Variants in MTA3 observed in about 807,000 individuals in gnomAD.
MTA3 encodes the protein metastasis-associated protein MTA3.
In MTA3, 34 loss-of-function variants were observed where a neutral mutation model predicts 83.5. The ratio of observed to expected loss-of-function variants is 0.41; its 90% CI spans 0.31 to 0.54. The LOEUF (loss-of-function observed/expected upper bound fraction) is 0.54, where lower values mean the gene tolerates loss of function less well. Among genes scored for constraint, MTA3 ranks in the 20% least tolerant of loss-of-function variants. The pLI is 0.33. For synonymous variants in MTA3, 303 were observed against 252.7 expected, an observed-to-expected ratio of 1.20 and a Z score of -1.89; for missense variants, 761 against 726.4, an observed-to-expected ratio of 1.05 and a Z score of -0.55.
chr2:42,643,302 G>A (rs1026569545), intron 5 of MTA3, among the ~76,000 whole-genome samples: 1 of 152,128 alleles, frequency 6.6e-6, no homozygotes, highest in Non-Finnish European at 1.5e-5. Flanking sequence ...ACAGAGAACT[G>A]GGCAGCCGAT....
intron 6 of MTA3, among the ~76,000 whole-genome samples, chr2:42,645,175 CAAAAAA>C (rs1224226672): frequency 7.5e-5 from 3 of 39,864 alleles, no homozygotes; most frequent in Non-Finnish European, 1.1e-4. Flanking sequence ...GACTCTGTCT[CAAAAAA>C]AAAAAAAAAA....
At chr2:42,556,975 G>A (rs1004102670) in intron 2 of MTA3, among the ~76,000 whole-genome samples, 3 of 152,152 alleles carry the variant, frequency 2.0e-5, no homozygotes, top group African/African-American at 4.8e-5. Context: ...CCTACGAAAC[G>A]CTGGAAACTT....
In MTA3 at chr2:42,754,353, T is replaced by C. The variant is rs1371949882; in HGVS notation, c.*954T>C. ...AGAGAACTGTGTTTGTGGGTATGAGTCTGTGTGGCCAACCCCATGACCCCC... is the reference window on the plus strand; with the variant it reads ...AGAGAACTGTGTTTGTGGGTATGAGCCTGTGTGGCCAACCCCATGACCCCC... On this transcript the variant is annotated 3_prime_UTR_variant, in exon 17 of 17. Coordinates refer to ENST00000405094, the MANE Select transcript of MTA3 (RefSeq NM_001330442.2). 1 of 985,488 alleles carries C rather than the reference T, an allele frequency of 1.0e-6. No individual in the cohort carries two copies. Among genetic ancestry groups the C allele is most frequent in the Non-Finnish European group, 1.2e-6 (1 of 829,998 alleles). 61.0% of individuals were successfully genotyped at this position (985,488 alleles called of 1,614,324 possible). A position where few individuals can be genotyped will look rare whatever the true frequency, so the allele number is the denominator to read the frequency against.
chr2:42,584,908 C>A (rs1238627355), intron 3 of MTA3, among the ~76,000 whole-genome samples: 2 of 151,528 alleles, frequency 1.3e-5, no homozygotes, highest in Admixed American at 6.6e-5. Context: ...ATTAAGAGAC[C>A]TAGAAAGTAA....
chr2:42,501,665 C>T (rs1052673342), intron 2 of MTA3, among the ~76,000 whole-genome samples: 2 of 152,112 alleles, frequency 1.3e-5, no homozygotes, highest in Non-Finnish European at 2.9e-5. Context: ...CAAGGAGAAT[C>T]GGACAGCCCA....
intron 4 of MTA3, among the ~76,000 whole-genome samples, chr2:42,618,800 C>T (rs528511602): frequency 3.3e-5 from 5 of 151,902 alleles, no homozygotes; most frequent in Non-Finnish European, 5.9e-5. Flanking sequence ...TGGTAGAGTT[C>T]GGGTCTCATA....
intron 16 of MTA3, among the ~76,000 whole-genome samples, chr2:42,737,362 G>T (rs1668686845): frequency 6.6e-6 from 1 of 152,140 alleles, no homozygotes; most frequent in Non-Finnish European, 1.5e-5. Flanking sequence ...CCTTCTGTGG[G>T]CACCGGCTGA....
At chr2:42,697,956 C>A in intron 11 of MTA3, 122 bp downstream of exon 11, 2 of 631,840 alleles carry the variant, frequency 3.2e-6, no homozygotes, top group Non-Finnish European at 2.7e-6. Flanking sequence ...TTCTACAAAG[C>A]ATGAGACTTA....
intron 6 of MTA3, among the ~76,000 whole-genome samples, chr2:42,648,986 G>T (rs1688455964): frequency 1.3e-5 from 2 of 152,278 alleles, no homozygotes; most frequent in East Asian, 1.9e-4. Flanking sequence ...GAATGATAGT[G>T]TATGTAATAC....
intron 4 of MTA3, among the ~76,000 whole-genome samples, chr2:42,615,655 ATTTTAC>A (rs1553363011): frequency 7.3e-6 from 1 of 136,592 alleles, no homozygotes; most frequent in Non-Finnish European, 1.5e-5. Context: ...CGCCTGGCCA[ATTTTAC>A]TTTTATTCTT....
intron 2 of MTA3, among the ~76,000 whole-genome samples, chr2:42,571,450 A>G (rs545647625): frequency 2.6e-5 from 4 of 151,970 alleles, no homozygotes; most frequent in African/African-American, 9.7e-5. Flanking sequence ...CTGAATTCCG[A>G]ATATTCTTTT....
intron 2 of MTA3, among the ~76,000 whole-genome samples, chr2:42,534,548 G>A (rs1199820496): frequency 6.6e-6 from 1 of 152,078 alleles, no homozygotes; most frequent in African/African-American, 2.4e-5. Context: ...AGTGAGCCAA[G>A]ATCGAGCCAC....
intron 2 of MTA3, among the ~76,000 whole-genome samples, chr2:42,521,777 CAG>C (rs1675440785): frequency 1.0e-5 from 1 of 95,540 alleles, no homozygotes; most frequent in Non-Finnish European, 1.9e-5. Flanking sequence ...TTTTTTGAGA[CAG>C]AGTCTCACTC....
intron 14 of MTA3, among the ~76,000 whole-genome samples, chr2:42,717,717 A>G (rs762866760): frequency 6.6e-6 from 1 of 152,210 alleles, no homozygotes; most frequent in Non-Finnish European, 1.5e-5. Flanking sequence ...GGGTTAGAAA[A>G]CCAGTGATAA....
At chr2:42,716,257 T>C (rs2104527114) in intron 14 of MTA3, among the ~76,000 whole-genome samples, 2 of 152,372 alleles carry the variant, frequency 1.3e-5, no homozygotes, top group African/African-American at 2.4e-5. Context: ...CTGGGTGCTA[T>C]ATTTTCAGAT....
rs1209358837 is a variant in MTA3 at position 42,594,499 on chromosome 2, A to C, written c.191-14959A>C. 2.0e-5 allele frequency among the ~76,000 whole-genome samples: 3 copies of C among 150,406 alleles called. No individual in the cohort carries two copies. The East Asian group carries it at 5.9e-4, about 29-fold the overall frequency. On this transcript the variant is annotated intron_variant, in intron 3 of 16. Transcript: ENST00000405094. ...GTGATCCACCCAACTCGGACTCCCA[A>C]AGTGCCGGGATTACAGGTGGGAGCC...
chr2:42,659,587 A>C lies in MTA3; in HGVS notation c.603-176A>C, dbSNP rs1032490626. The C allele has an allele frequency of 1.3e-5, 4 of 319,680 alleles. No homozygotes were observed. In the East Asian group the frequency reaches 2.2e-4, roughly 18 times the overall value. The allele number at this position is 319,680 out of a possible 1,614,324, so 19.8% of individuals were successfully genotyped here. On this transcript the variant is annotated intron_variant, in intron 7 of 16. Transcript: ENST00000405094. ...ATAGTAAATTGGCTTGTCAATTATT[A>C]TATCTTATAGAGTGAAAATTCTTTT...
chr2:42,560,768 A>G lies in MTA3; in HGVS notation c.-140-9669A>G, dbSNP rs375826044. ...GGAAAAAAAAAAAATTAGCGGGGAT[A>G]TGGTGGCGCATGCCTGTAATCCCAG... On this transcript the variant is annotated intron_variant, in intron 2 of 17. Transcript: ENST00000405592. 2.6e-5 allele frequency among the ~76,000 whole-genome samples: 4 copies of G among 151,896 alleles called. No homozygotes were observed. In the East Asian group the frequency reaches 7.8e-4, roughly 29 times the overall value.
intron 14 of MTA3, among the ~76,000 whole-genome samples, chr2:42,716,837 G>C (rs1338751423): frequency 2.6e-5 from 4 of 151,964 alleles, no homozygotes; most frequent in African/African-American, 4.8e-5. Context: ...TATTCCTTTG[G>C]GTATATATCC....
Sources: allele counts gnomAD v4.1 joint callset (sites outside exome capture counted in the v4.1 genomes callset), GRCh38; gene constraint gnomAD v4.1.1; transcripts MANE v1.5; gene names NCBI Gene and HGNC (gene_info 2026-07-23, HGNC 2026-07-21).